Variants in CRYBA4 observed in about 807,000 individuals in gnomAD.
The protein encoded by CRYBA4 is beta-crystallin A4.
Under a neutral mutation model 31.7 loss-of-function variants are expected in CRYBA4, and 30 were observed. The observed-to-expected ratio is 0.95, with a 90% confidence interval of 0.71 to 1.28. CRYBA4 has a LOEUF of 1.28. Among genes scored for constraint, CRYBA4 ranks in the 50% most tolerant of loss-of-function variants. The pLI is 0.00. For synonymous variants in CRYBA4, 102 were observed against 102.3 expected, an observed-to-expected ratio of 1.00 and a Z score of 0.02; for missense variants, 225 against 260.7, an observed-to-expected ratio of 0.86 and a Z score of 0.94.
chr22:26,592,121 A>G, the CRYBA4 span, among the ~76,000 whole-genome samples: 1 of 152,158 alleles, frequency 6.6e-6, no homozygotes, highest in Admixed American at 6.5e-5. Context: ...AACATTACAT[A>G]GTGTTTATTG....
chr22:26,599,538 C>T, the CRYBA4 span: 6 of 1,613,986 alleles, frequency 3.7e-6, no homozygotes, highest in Admixed American at 1.0e-4. Context: ...CCTCGAGGTG[C>T]CACTGCTTGT....
the CRYBA4 span, among the ~76,000 whole-genome samples, chr22:26,593,445 C>G: frequency 6.6e-6 from 1 of 151,600 alleles, no homozygotes; most frequent in Non-Finnish European, 1.5e-5. Context: ...TGAGACCAGC[C>G]TGGGCAACAT....
chr22:26,626,311 G>A (rs958294389), intron 4 of CRYBA4, among the ~76,000 whole-genome samples: 2 of 152,324 alleles, frequency 1.3e-5, no homozygotes, highest in Non-Finnish European at 2.9e-5. Flanking sequence ...GGCTGAGGCA[G>A]GAGAATCACT....
the CRYBA4 span, among the ~76,000 whole-genome samples, chr22:26,598,337 T>G: frequency 2.6e-5 from 4 of 152,030 alleles, no homozygotes; most frequent in Non-Finnish European, 4.4e-5. Flanking sequence ...TTCCTTTCTC[T>G]CTCTCTCCTT....
intron 4 of CRYBA4, among the ~76,000 whole-genome samples, 199 bp from the exon 5 acceptor site, chr22:26,628,089 T>C (rs1929806715): frequency 1.3e-5 from 2 of 152,208 alleles, no homozygotes; most frequent in South Asian, 4.1e-4. Flanking sequence ...GCCTATTTAT[T>C]CCATGATTAT....
chr22:26,612,287 A>C, the CRYBA4 span: 3 of 786,314 alleles, frequency 3.8e-6, no homozygotes, highest in Admixed American at 2.0e-5. Context: ...TGCAGGAGTC[A>C]CATAAAAGTG....
chr22:26,599,369 C>T, the CRYBA4 span: 3 of 904,944 alleles, frequency 3.3e-6, no homozygotes, highest in African/African-American at 3.3e-5. Flanking sequence ...TCAAGGCACA[C>T]ATCTGTTTAC....
the CRYBA4 span, among the ~76,000 whole-genome samples, chr22:26,611,469 G>GTTTTTTTTT: frequency 1.1e-4 from 15 of 133,322 alleles, no homozygotes; most frequent in South Asian, 2.3e-4. Context: ...TTTTTTTTTT[G>GTTTTTTTTT]TTTTTTTTTT....
At position 26,628,356 on chromosome 22, in the gene CRYBA4, C is replaced by T. The variant is rs780300025; in HGVS notation, c.369C>T (p.Ser123=). ...TCCTGGGCAAGAAAGGAGAGCTGAG[C>T]GATGACTATCCTTCCCTCCAGGCCA... ...ENFLGKKGEL[S]DDYPSLQAMG... is the part of the protein sequence containing the mutation. The change falls in exon 5 of 6, where the codon AGC becomes AGT. Residue 123 remains serine, a synonymous_variant. Coordinates refer to ENST00000354760, the MANE Select transcript of CRYBA4 (RefSeq NM_001886.3). The T allele has an allele frequency of 6.2e-7, 1 of 1,613,990 alleles. No homozygotes were observed. The highest frequency in any genetic ancestry group is 8.5e-7 in the Non-Finnish European group (1 of 1,179,980).
At chr22:26,622,707 G>T in intron 2 of CRYBA4, 72 bp downstream of exon 2, 3 of 1,162,854 alleles carry the variant, frequency 2.6e-6, no homozygotes, top group Non-Finnish European at 2.6e-6. Context: ...ATCCTAGGAG[G>T]GGGGCATTAT....
the CRYBA4 span, among the ~76,000 whole-genome samples, chr22:26,600,535 G>T: frequency 6.6e-6 from 1 of 152,346 alleles, no homozygotes; most frequent in Admixed American, 6.5e-5. Context: ...TGAGAATCTA[G>T]GTGGATAAGG....
At chr22:26,591,269 G>A in the CRYBA4 span, among the ~76,000 whole-genome samples, 243 of 152,096 alleles carry the variant, frequency 1.6e-3, 1 homozygote, top group African/African-American at 5.7e-3. Context: ...TCAGGAGTTC[G>A]AGACCAGCCA....
At chr22:26,619,818 G>A (rs936902334), upstream of CRYBA4, among the ~76,000 whole-genome samples, 8 of 152,192 alleles carry the variant, frequency 5.3e-5, no homozygotes, top group African/African-American at 9.6e-5. Context: ...GGGCAGTTCC[G>A]TGCCCCCCCT....
chr22:26,623,890 C>G, intron 3 of CRYBA4, among the ~76,000 whole-genome samples: 1 of 152,040 alleles, frequency 6.6e-6, no homozygotes, highest in East Asian at 1.9e-4. Flanking sequence ...TTCAGTGGAC[C>G]TGTCTGCAAT....
rs1028937894 is a variant in CRYBA4, at chr22:26,630,385, G to A, written c.489G>A (p.Val163=). 6.2e-7 allele frequency: 1 copy of A among 1,614,126 alleles called. No homozygotes were observed. The highest frequency in any genetic ancestry group is 1.3e-5 in the African/African-American group (1 of 74,958). The part of the protein sequence containing the change: ...QFPGYRGFQY[V]LECDHHSGDY... Reference sequence around the variant, plus strand: ...CGGGCTACCGAGGATTTCAGTATGTGCTGGAATGCGATCACCATTCCGGTG... The same window carrying A: ...CGGGCTACCGAGGATTTCAGTATGTACTGGAATGCGATCACCATTCCGGTG... The change falls in exon 6 of 6, where the codon GTG becomes GTA. Residue 163 remains valine, a synonymous_variant. Coordinates refer to ENST00000354760, the MANE Select transcript of CRYBA4 (RefSeq NM_001886.3).
chr22:26,621,082 C>T (rs1929516419), upstream of CRYBA4, among the ~76,000 whole-genome samples: 1 of 152,142 alleles, frequency 6.6e-6, no homozygotes. Flanking sequence ...GTATGAGGGA[C>T]CTCTTAGGTC....
the CRYBA4 span, among the ~76,000 whole-genome samples, chr22:26,613,361 C>G: frequency 6.6e-6 from 1 of 152,100 alleles, no homozygotes; most frequent in Non-Finnish European, 1.5e-5. Context: ...TTTGGTTGCC[C>G]AAGAGAAACT....
At chr22:26,626,860 C>A (rs1929717392) in intron 4 of CRYBA4, among the ~76,000 whole-genome samples, 2 of 152,134 alleles carry the variant, frequency 1.3e-5, no homozygotes, top group African/African-American at 4.8e-5. Flanking sequence ...TATATCTTAT[C>A]TATATTGCAC....
chr22:26,600,686 T>A, the CRYBA4 span, among the ~76,000 whole-genome samples: 1 of 152,256 alleles, frequency 6.6e-6, no homozygotes, highest in African/African-American at 2.4e-5. Context: ...ATAGAAGTTA[T>A]CATCAGTGAT....
Sources: gnomAD v4.1 joint callset for allele counts (sites outside exome capture counted in the v4.1 genomes callset) on GRCh38, gnomAD v4.1.1 for gene constraint, MANE v1.5 for transcripts, NCBI Gene and HGNC (gene_info 2026-07-23, HGNC 2026-07-21) for gene names.